The following CAMSAP1 variants were observed in gnomAD, a reference collection of about 807,000 sequenced individuals.
The protein encoded by CAMSAP1 is calmodulin-regulated spectrin-associated protein 1.
Under a neutral mutation model 143.5 loss-of-function variants are expected in CAMSAP1, and 58 were observed. That is an observed-to-expected ratio of 0.40 (90% CI 0.33 to 0.50). The LOEUF (loss-of-function observed/expected upper bound fraction) is 0.50. Ranked by LOEUF, CAMSAP1 falls within the 20% of genes least tolerant of loss-of-function variation. The pLI, the probability that CAMSAP1 is intolerant of heterozygous loss-of-function variation, is 0.45. For synonymous variants in CAMSAP1, 945 were observed against 859.3 expected, an observed-to-expected ratio of 1.10 and a Z score of -1.74; for missense variants, 1,969 against 2,115.7, an observed-to-expected ratio of 0.93 and a Z score of 1.36.
chr9:135,870,986 G>T (rs1190464614), intron 3 of CAMSAP1, among the ~76,000 whole-genome samples: 1 of 152,034 alleles, frequency 6.6e-6, no homozygotes, highest in Non-Finnish European at 1.5e-5. Flanking sequence ...AAACAGATTT[G>T]CATACTTCTC....
intron 4 of CAMSAP1, among the ~76,000 whole-genome samples, chr9:135,864,895 A>G (rs1588485657): frequency 6.6e-6 from 1 of 152,168 alleles, no homozygotes; most frequent in Non-Finnish European, 1.5e-5. Context: ...CTCCAGCCCT[A>G]GTCCACCAGG....
chr9:135,887,571 CG>C (rs1564459167), intron 1 of CAMSAP1, among the ~76,000 whole-genome samples: 1 of 152,112 alleles, frequency 6.6e-6, no homozygotes, highest in Non-Finnish European at 1.5e-5. Context: ...GGAGGCCCCT[CG>C]GGAGGCGGAG....
At position 135,907,012 on chromosome 9, in the gene CAMSAP1, C is replaced by A. The variant is rs774864559; in HGVS notation, c.148G>T (p.Ala50Ser). 3 of 1,161,760 alleles carry A rather than the reference C, an allele frequency of 2.6e-6. No individual in the cohort carries two copies. Among genetic ancestry groups the A allele is most frequent in the South Asian group, 4.9e-5 (2 of 40,784 alleles). 72.0% of individuals were successfully genotyped at this position (1,161,760 alleles called of 1,614,324 possible). ...AANLQWICAKAYGRDNIPEDL... is the reference protein window; with the variant it reads ...AANLQWICAKSYGRDNIPEDL... ...TCACCCGGCCCACCTCGGCCGTAGG[C>A]CTTGGCGCAGATCCACTGCAGGTTG... Residue 50 changes from alanine to serine, a missense_variant, in exon 1 of 17, where the codon GCC becomes TCC. By Grantham distance (99) the Ala-to-Ser change is moderately conservative. Coordinates refer to ENST00000389532, the MANE Select transcript of CAMSAP1 (RefSeq NM_015447.4).
At chr9:135,872,101 C>G (rs1263627379) in intron 3 of CAMSAP1, among the ~76,000 whole-genome samples, 1 of 142,252 alleles carries the variant, frequency 7.0e-6, no homozygotes, top group Non-Finnish European at 1.5e-5. Context: ...ACTCCCATCT[C>G]AAAAAAAAAA....
chr9:135,815,968 T>G lies in CAMSAP1; in HGVS notation c.4309A>C (p.Asn1437His), dbSNP rs1180614214. The G allele has an allele frequency of 1.1e-5, 18 of 1,613,728 alleles. No individual in the cohort carries two copies. Among genetic ancestry groups the G allele is most frequent in the Non-Finnish European group, 1.4e-5 (16 of 1,179,916 alleles). ...SMEALPILSR[N>H]PSRSTDRDWE... The stretch of plus-strand genomic sequence containing the variant: ...TCTCGGTCTGTGCTCCTGCTTGGGT[T>G]ACGGCTCAGTATGGGCAGGGCTTCC... Residue 1437 changes from asparagine to histidine, a missense_variant, in exon 15 of 17, where the codon AAC becomes CAC. By Grantham distance (68) the Asn-to-His change is moderately conservative (BLOSUM62 1). Transcript: ENST00000389532.
Position 135,823,956 on chromosome 9 carries a change from T to C in CAMSAP1, c.1394A>G (p.Lys465Arg). 2 of 1,578,978 alleles carry C rather than the reference T, an allele frequency of 1.3e-6. No individual in the cohort carries two copies. Among genetic ancestry groups the C allele is most frequent in the Non-Finnish European group, 1.7e-6 (2 of 1,161,444 alleles). Residue 465 changes from lysine to arginine, a missense_variant, in exon 10 of 17, where the codon AAA becomes AGA. Around this residue, in one of 4 missense-constraint regions of CAMSAP1, gnomAD observed 1,390 missense variants for 1,420.8 expected, o/e 0.98. Coordinates refer to ENST00000389532, the MANE Select transcript of CAMSAP1 (RefSeq NM_015447.4). ...TGCTGAAACACAGACTCACCTGGTTTTTTTTTCTGGCCAGGCTATTGCTGC... is the reference window on the plus strand; with the variant it reads ...TGCTGAAACACAGACTCACCTGGTTCTTTTTTCTGGCCAGGCTATTGCTGC... ...RGAAIAWPEK[K>R]TRPASQPTPF...
intron 5 of CAMSAP1, among the ~76,000 whole-genome samples, chr9:135,858,484 C>T (rs1837057687): frequency 6.6e-6 from 1 of 152,234 alleles, no homozygotes; most frequent in South Asian, 2.1e-4. Flanking sequence ...TCCCACTACT[C>T]TTTCCCCTAT....
intron 7 of CAMSAP1, among the ~76,000 whole-genome samples, chr9:135,844,561 G>A (rs536526055): frequency 2.0e-4 from 31 of 151,344 alleles, no homozygotes; most frequent in East Asian, 7.8e-4. Context: ...CAAGAGCAAC[G>A]AAATTCAAAA....
At chr9:135,888,580 G>A (rs564880495) in intron 1 of CAMSAP1, among the ~76,000 whole-genome samples, 1 of 152,326 alleles carries the variant, frequency 6.6e-6, no homozygotes, top group South Asian at 2.1e-4. Context: ...CCACCTGGGA[G>A]CTGAGACCAG....
At chr9:135,825,356 G>A (rs539773031) in intron 8 of CAMSAP1, among the ~76,000 whole-genome samples, 12 of 152,270 alleles carry the variant, frequency 7.9e-5, no homozygotes, top group African/African-American at 1.4e-4. Context: ...CATCACAGAC[G>A]GCAGCATGAA....
chr9:135,900,605 G>C (rs1175307703), intron 1 of CAMSAP1, among the ~76,000 whole-genome samples: 1 of 151,820 alleles, frequency 6.6e-6, no homozygotes, highest in South Asian at 2.1e-4. Context: ...CGAGGCAGGA[G>C]AATGGTGTGA....
At chr9:135,842,749 T>C (rs1037316498) in intron 7 of CAMSAP1, among the ~76,000 whole-genome samples, 1 of 152,202 alleles carries the variant, frequency 6.6e-6, no homozygotes, top group South Asian at 2.1e-4. Flanking sequence ...CTAAGCTTCA[T>C]AAGCGAAGGA....
chr9:135,840,452 C>A (rs973029470), intron 7 of CAMSAP1, among the ~76,000 whole-genome samples: 5 of 152,176 alleles, frequency 3.3e-5, no homozygotes, highest in African/African-American at 1.2e-4. Context: ...ACGACGGGGT[C>A]CGATGGGAAG....
chr9:135,862,567 G>C lies in CAMSAP1; in HGVS notation c.708C>G (p.Pro236=). The stretch of plus-strand genomic sequence containing the variant: ...TCAAATCCTCCAACAACGGGAAGTA[G>C]GGTGACTGCCTAGCAGAAAGGTGCT... ...RREHLSARQS[P]YFPLLEDLMR... Residue 236 remains proline, a synonymous_variant, in exon 5 of 17, where the codon CCC becomes CCG. Coordinates refer to ENST00000389532, the MANE Select transcript of CAMSAP1 (RefSeq NM_015447.4). 6.4e-7 allele frequency: 1 copy of C among 1,551,726 alleles called. No homozygotes were observed. The highest frequency in any genetic ancestry group is 8.7e-7 in the Non-Finnish European group (1 of 1,147,004).
At chr9:135,893,644 T>C (rs1437298635) in intron 1 of CAMSAP1, among the ~76,000 whole-genome samples, 3 of 152,120 alleles carry the variant, frequency 2.0e-5, no homozygotes, top group East Asian at 1.9e-4. Flanking sequence ...ACAGTAAACA[T>C]ATAATGGATG....
chr9:135,843,908 T>C (rs1588466430), intron 7 of CAMSAP1, among the ~76,000 whole-genome samples: 1 of 144,578 alleles, frequency 6.9e-6, no homozygotes, highest in Admixed American at 6.9e-5. Flanking sequence ...AAGCGCTAAC[T>C]ATCCTAAATC....
chr9:135,865,295 T>C (rs1037231147), intron 4 of CAMSAP1: 2 of 1,548,806 alleles, frequency 1.3e-6, no homozygotes. Context: ...ACAGGATGGC[T>C]CTGTAGATGG....
intron 7 of CAMSAP1, among the ~76,000 whole-genome samples, chr9:135,841,117 A>G (rs1836331199): frequency 6.6e-6 from 1 of 152,208 alleles, no homozygotes; most frequent in African/African-American, 2.4e-5. Context: ...TCTCGCTGCC[A>G]GCACAGTAGT....
At chr9:135,872,883 G>A (rs1837615714) in intron 3 of CAMSAP1, among the ~76,000 whole-genome samples, 1 of 152,170 alleles carries the variant, frequency 6.6e-6, no homozygotes, top group South Asian at 2.1e-4. Flanking sequence ...CAAATGGCGG[G>A]TTACAAGTGC....
Sources: allele counts gnomAD v4.1 joint callset (sites outside exome capture counted in the v4.1 genomes callset), GRCh38; gene constraint gnomAD v4.1.1; regional missense constraint gnomAD v4.1.1; transcripts MANE v1.5; gene names NCBI Gene and HGNC (gene_info 2026-07-23, HGNC 2026-07-21).